Variants in LINGO2 observed in about 807,000 individuals in gnomAD.
LINGO2 encodes leucine rich repeat and Ig domain containing 2.
In LINGO2, 14 loss-of-function variants were observed where a neutral mutation model predicts 30.6. The observed-to-expected ratio is 0.46, with a 90% CI of 0.30 to 0.72. LINGO2 has a LOEUF of 0.72. Ranked by LOEUF, LINGO2 falls within the 30% of genes least tolerant of loss-of-function variation. The pLI, the probability that LINGO2 is intolerant of heterozygous loss-of-function variation, is 0.07. For missense variants in LINGO2, 729 were observed against 751.7 expected, an observed-to-expected ratio of 0.97 and a Z score of 0.35; for synonymous variants, 317 against 288.5, an observed-to-expected ratio of 1.10 and a Z score of -1.00.
chr9:28,568,315 G>A (rs1229637186), intron 1 of LINGO2, among the ~76,000 whole-genome samples: 1 of 151,938 alleles, frequency 6.6e-6, no homozygotes, highest in Admixed American at 6.6e-5. Context: ...CAGACACGGG[G>A]GTCTACTTGT....
the LINGO2 span, among the ~76,000 whole-genome samples, chr9:29,173,705 G>T: frequency 6.6e-6 from 1 of 152,038 alleles, no homozygotes; most frequent in African/African-American, 2.4e-5. Flanking sequence ...GTGTCATGAA[G>T]AAAGAATGAG....
At chr9:28,416,947 T>C (rs1331913) in intron 2 of LINGO2, among the ~76,000 whole-genome samples, 140,944 of 152,204 alleles carry the variant, frequency 0.93, 65,303 homozygotes, top group East Asian at 1. Flanking sequence ...AATACATGGG[T>C]ACACATATGC....
chr9:28,268,573 T>C (rs780881426), intron 4 of LINGO2, among the ~76,000 whole-genome samples: 1 of 152,148 alleles, frequency 6.6e-6, no homozygotes, highest in Non-Finnish European at 1.5e-5. Flanking sequence ...TAAGACAATT[T>C]CTAAAACTAC....
chr9:28,625,496 A>G (rs1319068604), intron 1 of LINGO2, among the ~76,000 whole-genome samples: 1 of 152,096 alleles, frequency 6.6e-6, no homozygotes, highest in African/African-American at 2.4e-5. Flanking sequence ...TTTTGTGTGT[A>G]CATAGTTCTT....
chr9:28,994,063 A>G, the LINGO2 span, among the ~76,000 whole-genome samples: 2 of 151,840 alleles, frequency 1.3e-5, no homozygotes, highest in African/African-American at 4.8e-5. Context: ...AGTTAGGAAA[A>G]GAGGAAGTCA....
At chr9:28,253,490 A>G (rs1450313660) in intron 4 of LINGO2, among the ~76,000 whole-genome samples, 1 of 152,168 alleles carries the variant, frequency 6.6e-6, no homozygotes, top group Admixed American at 6.5e-5. Flanking sequence ...ATCCAGAGGT[A>G]AATATATTCC....
the LINGO2 span, among the ~76,000 whole-genome samples, chr9:29,018,665 C>T: frequency 6.6e-6 from 1 of 152,074 alleles, no homozygotes; most frequent in East Asian, 1.9e-4. Context: ...AGTGGCTGAG[C>T]TGGAATTATG....
At chr9:27,997,525 T>C (rs1289146662) in intron 5 of LINGO2, among the ~76,000 whole-genome samples, 1 of 138,900 alleles carries the variant, frequency 7.2e-6, no homozygotes, top group East Asian at 1.9e-4. Context: ...CTATAACATA[T>C]TTTTTCTAAT....
At chr9:28,407,180 A>G (rs1822547430) in intron 2 of LINGO2, among the ~76,000 whole-genome samples, 2 of 152,090 alleles carry the variant, frequency 1.3e-5, no homozygotes, top group South Asian at 4.2e-4. Flanking sequence ...GGAAGGACAT[A>G]AGAAAGGGAA....
At chr9:28,581,335 TTTATAGGAGAAAC>T (rs1334809775) in intron 1 of LINGO2, among the ~76,000 whole-genome samples, 1 of 151,708 alleles carries the variant, frequency 6.6e-6, no homozygotes, top group African/African-American at 2.4e-5. Context: ...AAGGTAAAAA[TTTATAGGAGAAAC>T]TTGAATACCT....
chr9:29,079,602 T>G, the LINGO2 span, among the ~76,000 whole-genome samples: 1 of 151,356 alleles, frequency 6.6e-6, no homozygotes, highest in East Asian at 1.9e-4. Context: ...GAAAATATTT[T>G]CAAAATTATG....
Position 28,170,747 on chromosome 9 carries a change from C to T in LINGO2, c.-87+124461G>A, listed in dbSNP as rs537756972. 7.9e-5 allele frequency among the ~76,000 whole-genome samples: 12 copies of T among 152,238 alleles called. No homozygotes were observed. The South Asian group carries it at 2.5e-3, about 32-fold the overall frequency. ...CTTCCTGTATTCCACGGCTCAGGGC[C>T]CAGCACCACTCCAAACTCTGCTTTT... On this transcript the variant is annotated intron_variant, in intron 4 of 5. Coordinates refer to ENST00000379992, the Ensembl canonical transcript of LINGO2.
chr9:28,636,038 T>C lies in LINGO2; in HGVS notation c.-365+34162A>G, dbSNP rs74727515. Among the ~76,000 whole-genome samples, 1,404 of 152,196 alleles carry C rather than the reference T, an allele frequency of 9.2e-3. 26 individuals carry two copies. The highest frequency in any genetic ancestry group is 0.079 in the East Asian group (410 of 5,160). On this transcript the variant is annotated intron_variant, in intron 1 of 5. Transcript: ENST00000379992. Reference sequence around the variant, plus strand: ...CCCTTCCTGTGTCCAAGTGTTCTCATTGTTCACTTCCCACCTATGAGTGAG... The same window carrying C: ...CCCTTCCTGTGTCCAAGTGTTCTCACTGTTCACTTCCCACCTATGAGTGAG...
the LINGO2 span, among the ~76,000 whole-genome samples, chr9:28,968,766 G>C: frequency 6.6e-6 from 1 of 152,030 alleles, no homozygotes; most frequent in African/African-American, 2.4e-5. Flanking sequence ...CATGTTTCTT[G>C]GAACTTGTAT....
the LINGO2 span, among the ~76,000 whole-genome samples, chr9:28,684,773 C>T: frequency 2.0e-5 from 3 of 152,132 alleles, no homozygotes; most frequent in Admixed American, 2.0e-4. Context: ...TCCACCTCAG[C>T]CTCCCAAAGT....
chr9:28,101,891 C>T (rs945810152), intron 4 of LINGO2, among the ~76,000 whole-genome samples: 2 of 152,124 alleles, frequency 1.3e-5, no homozygotes, highest in Non-Finnish European at 2.9e-5. Flanking sequence ...CTTGATAACT[C>T]ACTTGTTTTC....
At chr9:29,097,339 T>C in the LINGO2 span, among the ~76,000 whole-genome samples, 1 of 138,586 alleles carries the variant, frequency 7.2e-6, no homozygotes, top group South Asian at 2.3e-4. Flanking sequence ...ATGAAGTATA[T>C]TAAAATTATA....
the LINGO2 span, among the ~76,000 whole-genome samples, chr9:28,715,763 G>C: frequency 2.6e-5 from 4 of 152,048 alleles, no homozygotes; most frequent in Admixed American, 6.6e-5. Flanking sequence ...GAATCTTTCA[G>C]AAGATTTGTT....
At chr9:28,450,609 T>C (rs1209150855) in intron 2 of LINGO2, among the ~76,000 whole-genome samples, 1 of 152,026 alleles carries the variant, frequency 6.6e-6, no homozygotes, top group Non-Finnish European at 1.5e-5. Flanking sequence ...TCAGTCACAT[T>C]GGAATTAAAC....
Sources: allele counts gnomAD v4.1 joint callset (sites outside exome capture counted in the v4.1 genomes callset), GRCh38; gene constraint gnomAD v4.1.1; transcripts MANE v1.5; gene names NCBI Gene and HGNC (gene_info 2026-07-23, HGNC 2026-07-21).